Variants in ZNF625 observed in about 807,000 individuals in gnomAD.
ZNF625 encodes the protein zinc finger protein 625.
A neutral mutation model predicts 11.1 loss-of-function variants in ZNF625; 8 were observed. The observed-to-expected ratio is 0.72, with a 90% confidence interval of 0.42 to 1.30. The LOEUF is 1.30. Ranked by LOEUF, ZNF625 falls within the 50% of genes most tolerant of loss-of-function variation. ZNF625 has a pLI of 0.01. For synonymous variants in ZNF625, 145 were observed against 153.4 expected (o/e 0.95, Z 0.41); for missense variants, 349 against 447.6 (o/e 0.78, Z 1.99).
Position 12,146,373 on chromosome 19 carries a change from A to G in ZNF625, c.192-149T>C, listed in dbSNP as rs10424589. 1,556 of 699,764 alleles carry G rather than the reference A, an allele frequency of 2.2e-3. 14 individuals carry two copies. In the African/African-American group the frequency reaches 0.025, roughly 11 times the overall value. 43.3% of individuals were successfully genotyped at this position (699,764 alleles called of 1,614,324 possible). A position where few individuals can be genotyped will look rare whatever the true frequency, so the allele number is the denominator to read the frequency against. On this transcript the variant is annotated intron_variant, in intron 3 of 3. Transcript: ENST00000439556. ...AACATGAACAGACCACACATGCTCT[A>G]CAAGATGGCCCAGCTATACCTGTTA...
In ZNF625 at chr19:12,145,804, A is replaced by T; in HGVS notation, c.612T>A (p.Ser204Arg). The change falls in exon 4 of 4, where the codon AGT becomes AGA. Residue 204 changes from serine (S) to arginine (R), a missense_variant. Physicochemically the swap from Ser to Arg is moderately radical, Grantham distance 110. Coordinates refer to ENST00000439556, the MANE Select transcript of ZNF625 (RefSeq NM_145233.4). ...NFCGKALMCL[S>R]LYLIHKRTHT... ...GAGTTCGTTTGTGGATAAGATACAAACTGAGACACATCAAGGCTTTCCCAC... is the reference window on the plus strand; with the variant it reads ...GAGTTCGTTTGTGGATAAGATACAATCTGAGACACATCAAGGCTTTCCCAC... The T allele has an allele frequency of 6.2e-7, 1 of 1,614,184 alleles. No homozygotes were observed. The highest frequency in any genetic ancestry group is 8.5e-7 in the Non-Finnish European group (1 of 1,180,032).
intron 1 of ZNF625, among the ~76,000 whole-genome samples, chr19:12,155,396 C>G (rs1319993225): frequency 6.6e-6 from 1 of 152,022 alleles, no homozygotes; most frequent in East Asian, 1.9e-4. Flanking sequence ...TAACAGACTC[C>G]CTTCACTTAA....
intron 2 of ZNF625, 108 bp downstream of exon 2, chr19:12,147,568 C>T (rs1976894854): frequency 6.4e-7 from 1 of 1,562,262 alleles, no homozygotes; most frequent in East Asian, 2.2e-5. Flanking sequence ...CATTCCTATT[C>T]CCTGTCCTCA....
At chr19:12,149,283 CA>C (rs747461916) in intron 1 of ZNF625, among the ~76,000 whole-genome samples, 2,722 of 64,340 alleles carry the variant, frequency 0.042, 50 homozygotes, top group African/African-American at 0.12. Context: ...GACTCAGTCT[CA>C]AAAAAAAAAA....
chr19:12,152,757 G>A lies in ZNF625; in HGVS notation c.3+3799C>T, dbSNP rs375143885. On this transcript the variant is annotated intron_variant, in intron 1 of 3. Coordinates refer to ENST00000439556, the MANE Select transcript of ZNF625 (RefSeq NM_145233.4). ...CCCAGGAGGCTGAGGTAGGAGAATC[G>A]CTTGAACCCAGGAGGCAGAGGTTGC... 2.6e-5 allele frequency among the ~76,000 whole-genome samples: 4 copies of A among 151,616 alleles called. No homozygotes were observed. The East Asian group carries it at 7.8e-4, about 30-fold the overall frequency.
chr19:12,151,521 C>G (rs1226546827), intron 1 of ZNF625, among the ~76,000 whole-genome samples: 1 of 151,912 alleles, frequency 6.6e-6, no homozygotes, highest in Non-Finnish European at 1.5e-5. Context: ...GCTGGGACTA[C>G]AGGCCCCGCC....
At position 12,145,304 on chromosome 19, in the gene ZNF625, A is replaced by G; in HGVS notation, c.1112T>C (p.Ile371Thr). 1 of 1,599,916 alleles carries G rather than the reference A, an allele frequency of 6.3e-7. No individual in the cohort carries two copies. Among genetic ancestry groups the G allele is most frequent in the East Asian group, 2.2e-5 (1 of 44,646 alleles). The change falls in exon 4 of 4, where the codon ATT (isoleucine) becomes ACT (threonine). Residue 371 changes from isoleucine to threonine, a missense_variant. Coordinates refer to ENST00000439556, the MANE Select transcript of ZNF625 (RefSeq NM_145233.4). ...CTAGGAATCTTATGTGAATTAAGCA[A>G]TCTTCTCGCCTTGGCCTTTCGAAGT... is the stretch of plus-strand genomic sequence containing the variant. ...SNTSKGQGEK[I>T]A is the part of the protein sequence containing the mutation.
intron 2 of ZNF625, 104 bp from the exon 3 acceptor site, chr19:12,147,559 A>G: frequency 1.3e-6 from 2 of 1,549,018 alleles, no homozygotes; most frequent in Non-Finnish European, 1.8e-6. Flanking sequence ...ATTTATTCAC[A>G]TTCCTATTCC....
chr19:12,146,727 C>T (rs767130717), intron 3 of ZNF625, among the ~76,000 whole-genome samples: 12 of 152,260 alleles, frequency 7.9e-5, no homozygotes, highest in South Asian at 2.1e-4. Context: ...CCTGGGCGCC[C>T]GGCCAACACT....
chr19:12,156,523 C>A, intron 1 of ZNF625, 33 bp downstream of exon 1: 1 of 1,425,140 alleles, frequency 7.0e-7, no homozygotes, highest in South Asian at 1.6e-5. Context: ...CGGCCCCTCC[C>A]CCGTCTCGGG....
rs1353410784 is a variant in ZNF625 at position 12,145,290 on chromosome 19, A to C, written c.*7T>G. The C allele has an allele frequency of 6.3e-7, 1 of 1,583,804 alleles. No homozygotes were observed. The highest frequency in any genetic ancestry group is 1.4e-5 in the African/African-American group (1 of 73,644). On this transcript the variant is annotated 3_prime_UTR_variant, in exon 4 of 4. Coordinates refer to ENST00000439556, the MANE Select transcript of ZNF625 (RefSeq NM_145233.4). ...GGATTCGGTGGCTTCTAGGAATCTT[A>C]TGTGAATTAAGCAATCTTCTCGCCT...
intron 3 of ZNF625, among the ~76,000 whole-genome samples, chr19:12,146,990 G>A (rs900638394): frequency 9.0e-4 from 95 of 105,788 alleles, no homozygotes; most frequent in African/African-American, 3.6e-3. Context: ...TTTTTGAGAC[G>A]GAGTCTCGCT....
Position 12,156,472 on chromosome 19 carries a change from AG to A in ZNF625, c.3+83del, listed in dbSNP as rs559337980. The A allele has an allele frequency of 3.0e-3, 3,594 of 1,185,040 alleles. 9 individuals are homozygous for A. Among genetic ancestry groups the A allele is most frequent in the Non-Finnish European group, 3.5e-3 (3,195 of 906,592 alleles). 73.4% of individuals were successfully genotyped at this position (1,185,040 alleles called of 1,614,324 possible). On this transcript the variant is annotated intron_variant, in intron 1 of 3. Coordinates refer to ENST00000439556, the MANE Select transcript of ZNF625 (RefSeq NM_145233.4). ...CTGCAGACCCGAAGTCGCTGCAGGA[AG>A]GCCTGGGTCCTGCTAGAGCCGGTTC... is the stretch of plus-strand genomic sequence containing the variant.
intron 1 of ZNF625, among the ~76,000 whole-genome samples, chr19:12,151,107 A>T (rs1436128164): frequency 6.6e-6 from 1 of 151,302 alleles, no homozygotes; most frequent in Non-Finnish European, 1.5e-5. Context: ...TTTTTTTTTA[A>T]GCCTATAGCA....
At chr19:12,153,080 G>A (rs547011292) in intron 1 of ZNF625, among the ~76,000 whole-genome samples, 3 of 152,178 alleles carry the variant, frequency 2.0e-5, no homozygotes, top group South Asian at 2.1e-4. Context: ...TAGGCGGGAC[G>A]CGGTGGCTCA....
intron 1 of ZNF625, among the ~76,000 whole-genome samples, chr19:12,153,805 C>CTTT (rs912782968): frequency 2.3e-4 from 26 of 113,570 alleles, no homozygotes; most frequent in African/African-American, 3.4e-4. Flanking sequence ...TTTTATATTT[C>CTTT]TTTTTTTTTT....
chr19:12,155,282 C>T (rs967122427), intron 1 of ZNF625, among the ~76,000 whole-genome samples: 1 of 150,266 alleles, frequency 6.7e-6, no homozygotes, highest in Non-Finnish European at 1.5e-5. Flanking sequence ...AAATTGCAAA[C>T]AAGACCTAAG....
At chr19:12,147,150 G>T (rs1976888148) in intron 3 of ZNF625, among the ~76,000 whole-genome samples, 1 of 151,862 alleles carries the variant, frequency 6.6e-6, no homozygotes, top group Non-Finnish European at 1.5e-5. Context: ...TGGATTTTTA[G>T]TAGAGACAGG....
chr19:12,149,321 G>A (rs1976922079), intron 1 of ZNF625, among the ~76,000 whole-genome samples: 1 of 150,606 alleles, frequency 6.6e-6, no homozygotes, highest in Non-Finnish European at 1.5e-5. Context: ...GCCAAGAGCT[G>A]CATCAATCCA....
Sources: gnomAD v4.1 joint callset for allele counts (sites outside exome capture counted in the v4.1 genomes callset) on GRCh38, gnomAD v4.1.1 for gene constraint, MANE v1.5 for transcripts, NCBI Gene and HGNC (gene_info 2026-07-23, HGNC 2026-07-21) for gene names.